Variants in GALNT13 observed in about 807,000 individuals in gnomAD.
GALNT13 encodes polypeptide N-acetylgalactosaminyltransferase 13.
A neutral mutation model predicts 64.2 loss-of-function variants in GALNT13; 28 were observed. The ratio of observed to expected loss-of-function variants is 0.44; its 90% CI spans 0.32 to 0.60. The LOEUF (loss-of-function observed/expected upper bound fraction) is 0.60. GALNT13 is among the 20% of genes least tolerant of loss of function. The pLI is 0.05. For synonymous variants in GALNT13, 214 were observed against 224.6 expected (o/e 0.95, Z 0.42); for missense variants, 577 against 669.8 (o/e 0.86, Z 1.53).
intron 9 of GALNT13, among the ~76,000 whole-genome samples, chr2:154,370,473 A>G (rs1697621566): frequency 6.6e-6 from 1 of 152,146 alleles, no homozygotes; most frequent in Admixed American, 6.6e-5. Context: ...CATAAGTGAA[A>G]TGGGCTAAGA....
chr2:154,055,112 T>G (rs1699832250), intron 3 of GALNT13, among the ~76,000 whole-genome samples: 1 of 152,062 alleles, frequency 6.6e-6, no homozygotes, highest in Non-Finnish European at 1.5e-5. Flanking sequence ...TATTTATTCA[T>G]ATTATTTCCC....
the GALNT13 span, among the ~76,000 whole-genome samples, chr2:153,631,731 C>T: frequency 6.6e-6 from 1 of 152,064 alleles, no homozygotes; most frequent in African/African-American, 2.4e-5. Flanking sequence ...GAGTAGGTTG[C>T]AAAAATGTTC....
chr2:154,227,855 C>A (rs557381477), intron 4 of GALNT13, among the ~76,000 whole-genome samples: 1 of 149,242 alleles, frequency 6.7e-6, no homozygotes, highest in East Asian at 2.0e-4. Flanking sequence ...CGAAATATCT[C>A]ACTTTTATTA....
At chr2:153,306,710 G>T in the GALNT13 span, among the ~76,000 whole-genome samples, 1 of 152,172 alleles carries the variant, frequency 6.6e-6, no homozygotes, top group African/African-American at 2.4e-5. Flanking sequence ...AATAGAAATA[G>T]GGACCATTAA....
intron 3 of GALNT13, among the ~76,000 whole-genome samples, chr2:153,988,642 G>A (rs1359540486): frequency 6.6e-6 from 1 of 151,866 alleles, no homozygotes; most frequent in African/African-American, 2.4e-5. Flanking sequence ...AAGCATTGAC[G>A]GTGATTATAA....
chr2:153,177,476 G>A, the GALNT13 span, among the ~76,000 whole-genome samples: 1 of 151,948 alleles, frequency 6.6e-6, no homozygotes, highest in Admixed American at 6.6e-5. Context: ...TACACCAAAG[G>A]TAGATGGATT....
chr2:153,686,742 G>A, the GALNT13 span, among the ~76,000 whole-genome samples: 30,390 of 151,990 alleles, frequency 0.2, 3,417 homozygotes, highest in Non-Finnish European at 0.26. Context: ...ACTGCTTCCA[G>A]CTTTTGCCCA....
chr2:153,531,133 AC>A, the GALNT13 span, among the ~76,000 whole-genome samples: 1 of 152,176 alleles, frequency 6.6e-6, no homozygotes, highest in Admixed American at 6.5e-5. Context: ...TTTGCAAACT[AC>A]CCATCTGTAT....
chr2:153,454,552 C>T, the GALNT13 span, among the ~76,000 whole-genome samples: 1 of 152,204 alleles, frequency 6.6e-6, no homozygotes, highest in African/African-American at 2.4e-5. Context: ...CCAGTTTCTA[C>T]ACCAGCATTC....
the GALNT13 span, among the ~76,000 whole-genome samples, chr2:153,581,662 T>C: frequency 3.0e-4 from 46 of 151,756 alleles, no homozygotes; most frequent in African/African-American, 1.1e-3. Context: ...GTAAAACTTA[T>C]GTATAAGGGG....
intron 11 of GALNT13, among the ~76,000 whole-genome samples, chr2:154,417,306 T>C (rs1480336101): frequency 7.2e-6 from 1 of 138,934 alleles, no homozygotes; most frequent in African/African-American, 2.6e-5. Flanking sequence ...AAAAAAAACC[T>C]GAAAGAGTTC....
chr2:153,173,991 A>C, the GALNT13 span, among the ~76,000 whole-genome samples: 2 of 152,234 alleles, frequency 1.3e-5, no homozygotes, highest in African/African-American at 4.8e-5. Flanking sequence ...GTCTCAAGCA[A>C]GTTTAAAACT....
At chr2:153,670,611 G>A in the GALNT13 span, among the ~76,000 whole-genome samples, 1 of 152,194 alleles carries the variant, frequency 6.6e-6, no homozygotes, top group Admixed American at 6.5e-5. Flanking sequence ...GAGCAGAAAG[G>A]CTGAAAATTC....
At chr2:154,358,988 G>A (rs751497595) in intron 9 of GALNT13, among the ~76,000 whole-genome samples, 5 of 152,168 alleles carry the variant, frequency 3.3e-5, no homozygotes, top group East Asian at 1.9e-4. Flanking sequence ...CAATTTCATC[G>A]TAGCCCATCT....
At chr2:153,634,831 G>C in the GALNT13 span, among the ~76,000 whole-genome samples, 1 of 151,848 alleles carries the variant, frequency 6.6e-6, no homozygotes, top group Admixed American at 6.6e-5. Flanking sequence ...CTACAGGCGT[G>C]AGCCACCATG....
chr2:154,286,620 A>T, intron 8 of GALNT13: 1 of 250,054 alleles, frequency 4.0e-6, no homozygotes, highest in Non-Finnish European at 7.8e-6. Context: ...TCTATTAACA[A>T]GTTTGGCCTG....
chr2:153,405,815 A>G, the GALNT13 span, among the ~76,000 whole-genome samples: 1 of 152,208 alleles, frequency 6.6e-6, no homozygotes, highest in Non-Finnish European at 1.5e-5. Flanking sequence ...ACAAGGTGGC[A>G]TATATGAACT....
chr2:153,470,546 C>G, the GALNT13 span, among the ~76,000 whole-genome samples: 1 of 151,950 alleles, frequency 6.6e-6, no homozygotes, highest in African/African-American at 2.4e-5. Flanking sequence ...TCTTTTCTTA[C>G]CATGTGGAGA....
At chr2:154,071,482 T>G (rs1176331924) in intron 3 of GALNT13, among the ~76,000 whole-genome samples, 1 of 152,206 alleles carries the variant, frequency 6.6e-6, no homozygotes, top group Non-Finnish European at 1.5e-5. Flanking sequence ...TTTCATCTTT[T>G]TGTTGTGGAT....
Sources: gnomAD v4.1 joint callset for allele counts (sites outside exome capture counted in the v4.1 genomes callset) on GRCh38, gnomAD v4.1.1 for gene constraint, MANE v1.5 for transcripts, NCBI Gene and HGNC (gene_info 2026-07-23, HGNC 2026-07-21) for gene names.